Variants in ATP6V1D observed in about 807,000 individuals in gnomAD.
The protein encoded by ATP6V1D is ATPase H+ transporting V1 subunit D, also known as V-type proton ATPase subunit D.
ATP6V1D carries 20 observed loss-of-function variants against 39.4 expected under a neutral mutation model. That is an observed-to-expected ratio of 0.51 (90% CI 0.36 to 0.74). ATP6V1D has a LOEUF of 0.74. ATP6V1D is among the 30% of genes least tolerant of loss of function. ATP6V1D has a pLI of 0.00. For synonymous variants in ATP6V1D, 100 were observed against 100.5 expected (o/e 0.99, Z 0.03); for missense variants, 228 against 291.6 (o/e 0.78, Z 1.59).
intron 5 of ATP6V1D, among the ~76,000 whole-genome samples, chr14:67,346,277 G>T (rs1308877156): frequency 6.6e-6 from 1 of 152,158 alleles, no homozygotes; most frequent in Non-Finnish European, 1.5e-5. Flanking sequence ...ATCACATGAA[G>T]CAAGGAAATA....
At chr14:67,346,759 A>T (rs532313394) in intron 5 of ATP6V1D, among the ~76,000 whole-genome samples, 74 of 152,372 alleles carry the variant, frequency 4.9e-4, no homozygotes, top group Non-Finnish European at 9.7e-4. Flanking sequence ...TTCAGGTTGC[A>T]TCAGTGTCTA....
chr14:67,348,108 C>G (rs1275405227), intron 4 of ATP6V1D, among the ~76,000 whole-genome samples: 1 of 151,048 alleles, frequency 6.6e-6, no homozygotes, highest in Non-Finnish European at 1.5e-5. Flanking sequence ...GAGTTTCGCT[C>G]TTGTTGCCTG....
intron 1 of ATP6V1D, among the ~76,000 whole-genome samples, chr14:67,356,356 G>A (rs1378357390): frequency 6.6e-6 from 1 of 151,656 alleles, no homozygotes; most frequent in Admixed American, 6.6e-5. Context: ...GGCAGGCAGA[G>A]GTTGCAGTGA....
chr14:67,353,881 T>G (rs150265741), intron 1 of ATP6V1D: 38 of 151,916 alleles, frequency 2.5e-4, no homozygotes, highest in African/African-American at 9.2e-4. Flanking sequence ...CTCTAACTCC[T>G]GGTCTCATGA....
intron 1 of ATP6V1D, among the ~76,000 whole-genome samples, chr14:67,355,423 G>A (rs867044770): frequency 6.8e-4 from 68 of 99,752 alleles, no homozygotes; most frequent in Middle Eastern, 0.02. Context: ...AGCCCAGTTC[G>A]AGGATGTAGA....
intron 6 of ATP6V1D, among the ~76,000 whole-genome samples, chr14:67,344,540 A>G (rs1595634636): frequency 6.6e-6 from 1 of 152,276 alleles, no homozygotes; most frequent in East Asian, 1.9e-4. Context: ...GTTTATTTAC[A>G]TTTACATTTA....
intron 2 of ATP6V1D, among the ~76,000 whole-genome samples, chr14:67,351,336 A>G (rs2085652560): frequency 6.6e-6 from 1 of 152,206 alleles, no homozygotes; most frequent in Admixed American, 6.5e-5. Flanking sequence ...CCCAAAATTC[A>G]GACATAATTA....
intron 2 of ATP6V1D, 92 bp downstream of exon 2, chr14:67,352,831 T>C (rs1018503989): frequency 1.0e-5 from 8 of 763,998 alleles, no homozygotes; most frequent in Non-Finnish European, 1.4e-5. Flanking sequence ...AAGAAAAAAA[T>C]TAATTAAAAT....
At chr14:67,359,604 C>T (rs2085713905) in intron 1 of ATP6V1D, 54 bp downstream of exon 1, 1 of 1,604,796 alleles carries the variant, frequency 6.2e-7, no homozygotes, top group Non-Finnish European at 8.5e-7. Flanking sequence ...CTGAAGGGAC[C>T]GCGCTCCGGG....
intron 6 of ATP6V1D, among the ~76,000 whole-genome samples, chr14:67,345,201 C>T (rs2085611708): frequency 6.6e-6 from 1 of 152,044 alleles, no homozygotes; most frequent in African/African-American, 2.4e-5. Context: ...GGGATTATGC[C>T]ACTGCACTCC....
chr14:67,345,467 A>C (rs1384427119), intron 6 of ATP6V1D, among the ~76,000 whole-genome samples: 1 of 151,974 alleles, frequency 6.6e-6, no homozygotes, highest in Non-Finnish European at 1.5e-5. Flanking sequence ...AGGCAGAAGA[A>C]TCACTTGAAC....
In ATP6V1D at chr14:67,338,628, A is replaced by G. The variant is rs778118893; in HGVS notation, c.737T>C (p.Phe246Ser). 6.2e-7 allele frequency: 1 copy of G among 1,613,618 alleles called. No individual in the cohort carries two copies. The highest frequency in any genetic ancestry group is 1.7e-5 in the Admixed American group (1 of 59,898). ...GAACCAGAACAGGAAAGATTATTCA[A>G]ATAGAAGATCCTCGTCCTTCTCTTC... ...LAEEKDEDLL[F>S]E The change falls in exon 9 of 9, where the codon TTT becomes TCT. Residue 246 changes from phenylalanine to serine, a missense_variant. Physicochemically the swap from Phe to Ser is radical, Grantham distance 155 (BLOSUM62 -2). Transcript: ENST00000216442.
intron 1 of ATP6V1D, among the ~76,000 whole-genome samples, chr14:67,354,423 A>G (rs1042496908): frequency 1.3e-5 from 2 of 152,196 alleles, no homozygotes; most frequent in African/African-American, 2.4e-5. Context: ...TTTTAAATGC[A>G]ATTATTTTCA....
Position 67,356,686 on chromosome 14 carries a change from T to A in ATP6V1D, c.41+2972A>T, listed in dbSNP as rs117265943. Among the ~76,000 whole-genome samples the A allele has an allele frequency of 4.1e-3, 617 of 152,314 alleles. 18 individuals carry two copies. In the East Asian group the frequency reaches 0.059, roughly 15 times the overall value. ...CCACTGACTTTCCCAATGCTCAAACTAAGGCTCCAACCTACGTTCACTGTA... is the reference window on the plus strand; with the variant it reads ...CCACTGACTTTCCCAATGCTCAAACAAAGGCTCCAACCTACGTTCACTGTA... On this transcript the variant is annotated intron_variant, in intron 1 of 8. Coordinates refer to ENST00000216442, the MANE Select transcript of ATP6V1D (RefSeq NM_015994.4).
chr14:67,342,049 G>C (rs1595633659), intron 7 of ATP6V1D, among the ~76,000 whole-genome samples: 1 of 152,088 alleles, frequency 6.6e-6, no homozygotes, highest in East Asian at 1.9e-4. Flanking sequence ...AAACACTGCG[G>C]AAGTCTGCAG....
In ATP6V1D at chr14:67,338,459, A is replaced by T. The variant is rs1595631862; in HGVS notation, c.*162T>A. On this transcript the variant is annotated 3_prime_UTR_variant, in exon 9 of 9. Transcript: ENST00000216442. Reference sequence around the variant, plus strand: ...ATCCATGATAAATGGTTGCTAAATTATGATTCTGCAAAAGTAATCCCATAA... The same window carrying T: ...ATCCATGATAAATGGTTGCTAAATTTTGATTCTGCAAAAGTAATCCCATAA... 6.7e-6 allele frequency: 5 copies of T among 743,254 alleles called. No homozygotes were observed. In the East Asian group the frequency reaches 1.3e-4, roughly 20 times the overall value. 46.0% of individuals were successfully genotyped at this position (743,254 alleles called of 1,614,324 possible).
At chr14:67,348,447 C>T (rs541292620) in intron 4 of ATP6V1D, among the ~76,000 whole-genome samples, 69 of 151,700 alleles carry the variant, frequency 4.5e-4, no homozygotes, top group African/African-American at 1.5e-3. Context: ...CCTTGTGATC[C>T]GCCCACCTCA....
intron 7 of ATP6V1D, among the ~76,000 whole-genome samples, chr14:67,342,099 GTTT>G (rs1232511407): frequency 2.6e-5 from 4 of 151,788 alleles, no homozygotes; most frequent in Non-Finnish European, 5.9e-5. Flanking sequence ...TTGTTCACTT[GTTT>G]ATCTGCTGAC....
intron 1 of ATP6V1D, among the ~76,000 whole-genome samples, chr14:67,356,784 G>C (rs1316842236): frequency 6.6e-6 from 1 of 152,174 alleles, no homozygotes. Context: ...TCTCACAAGA[G>C]GTCTTATCAA....
Sources: gnomAD v4.1 joint callset for allele counts (sites outside exome capture counted in the v4.1 genomes callset) on GRCh38, gnomAD v4.1.1 for gene constraint, MANE v1.5 for transcripts, NCBI Gene and HGNC (gene_info 2026-07-23, HGNC 2026-07-21) for gene names.